The following OPRM1 variants were observed in gnomAD, a reference collection of about 807,000 sequenced individuals.
OPRM1 encodes mu-type opioid receptor.
OPRM1 carries 27 observed loss-of-function variants against 31.8 expected under a neutral mutation model. The observed-to-expected ratio is 0.85, with a 90% confidence interval of 0.63 to 1.17. The LOEUF is 1.17. Among genes scored for constraint, OPRM1 ranks in the 50% most tolerant of loss-of-function variants. The pLI is 0.00. For missense variants in OPRM1, 536 were observed against 511.1 expected (o/e 1.05, Z -0.47); for synonymous variants, 196 against 189.9 (o/e 1.03, Z -0.26).
intron 1 of OPRM1, among the ~76,000 whole-genome samples, chr6:154,082,253 C>T (rs1030930329): frequency 2.0e-5 from 3 of 152,024 alleles, no homozygotes; most frequent in African/African-American, 7.2e-5. Context: ...ATGCTGGTGC[C>T]CATCTTGTGC....
At position 154,095,205 on chromosome 6, in the gene OPRM1, C is replaced by T. The variant is rs182353008; in HGVS notation, c.1164+3733C>T. Among the ~76,000 whole-genome samples the T allele has an allele frequency of 5.2e-4, 79 of 152,252 alleles. 2 individuals are homozygous for T. The East Asian group carries it at 0.013, about 25-fold the overall frequency. On this transcript the variant is annotated intron_variant, in intron 3 of 3. Transcript: ENST00000330432. ...ATTTGGGAGGCTGAGACAGGAGAAT[C>T]GCTTGAACCTGGGAGGCAGAGGTTG...
intron 3 of OPRM1, among the ~76,000 whole-genome samples, chr6:154,154,040 G>T (rs1320459933): frequency 2.6e-5 from 4 of 152,204 alleles, no homozygotes; most frequent in African/African-American, 7.2e-5. Context: ...TAGGAGCCTA[G>T]AAATATTTGG....
At chr6:154,038,973 G>A (rs914644297), upstream of OPRM1, 30 of 595,366 alleles carry the variant, frequency 5.0e-5, no homozygotes, top group African/African-American at 5.3e-4. Flanking sequence ...ATTGGCAGTA[G>A]GGATGGAAGA....
chr6:154,167,179 C>T lies in OPRM1; in HGVS notation c.1164+75707C>T, dbSNP rs534056152. Among the ~76,000 whole-genome samples the T allele has an allele frequency of 5.3e-5, 8 of 152,336 alleles. No individual in the cohort carries two copies. The South Asian group carries it at 1.7e-3, about 32-fold the overall frequency. ...TATCAAAGCTTTTCAGATAAATCGTCTGCTAAATCAGGAGCATTTTACAAA... is the reference window on the plus strand; with the variant it reads ...TATCAAAGCTTTTCAGATAAATCGTTTGCTAAATCAGGAGCATTTTACAAA... On this transcript the variant is annotated intron_variant, in intron 3 of 3. Transcript: ENST00000337049.
chr6:154,090,841 T>C (rs1791956325), intron 2 of OPRM1, 111 bp from the exon 3 acceptor site: 1 of 905,230 alleles, frequency 1.1e-6, no homozygotes, highest in East Asian at 2.5e-5. Flanking sequence ...TTTATAGCCT[T>C]AAGTTAGCTC....
intron 3 of OPRM1, among the ~76,000 whole-genome samples, chr6:154,180,415 T>TATATATATATATATATATA (rs1491475267): frequency 4.4e-4 from 13 of 29,346 alleles, no homozygotes; most frequent in African/African-American, 1.6e-3. Flanking sequence ...TATATATATA[T>TATATATATATATATATATA]TTTTTTTTTA....
Position 154,105,815 on chromosome 6 carries a change from T to G in OPRM1, c.1165-12868T>G, listed in dbSNP as rs574632963. On this transcript the variant is annotated intron_variant, in intron 3 of 3. Coordinates refer to ENST00000330432, the MANE Select transcript of OPRM1 (RefSeq NM_000914.5). Reference sequence around the variant, plus strand: ...ATTTGATAACACTTCCTCTATGATTTTTATGCCAAATAAGTCAAATTTCAC... The same window carrying G: ...ATTTGATAACACTTCCTCTATGATTGTTATGCCAAATAAGTCAAATTTCAC... 1.7e-4 allele frequency among the ~76,000 whole-genome samples: 26 copies of G among 152,358 alleles called. 1 individual carries two copies. Among genetic ancestry groups the G allele is most frequent in the Admixed American group, 1.2e-3 (19 of 15,302 alleles).
chr6:154,138,352 C>T (rs537461613), intron 3 of OPRM1, among the ~76,000 whole-genome samples: 4 of 152,228 alleles, frequency 2.6e-5, no homozygotes, highest in East Asian at 3.9e-4. Context: ...TCAGTTGAAT[C>T]GCCTGATTGC....
rs116011340 is a variant in OPRM1 at position 154,242,313 on chromosome 6, T to C, written c.1165-4380T>C. Among the ~76,000 whole-genome samples the C allele has an allele frequency of 8.0e-3, 1,222 of 152,298 alleles. 7 individuals are homozygous for C. The highest frequency in any genetic ancestry group is 0.02 in the Middle Eastern group (6 of 294). On this transcript the variant is annotated intron_variant, in intron 3 of 3. Coordinates refer to the OPRM1 transcript ENST00000337049. ...CTTTTCCCATATCTGTTTTTAAGAA[T>C]AGAGGTGGAAATCCTTTCCTGGAAA...
intron 3 of OPRM1, among the ~76,000 whole-genome samples, chr6:154,243,791 C>T (rs969588670): frequency 6.6e-6 from 1 of 152,172 alleles, no homozygotes; most frequent in Non-Finnish European, 1.5e-5. Flanking sequence ...TTTCCATTTA[C>T]TCCCATGTGA....
At chr6:154,213,185 T>C (rs925218507) in intron 3 of OPRM1, 3 of 271,836 alleles carry the variant, frequency 1.1e-5, no homozygotes, top group East Asian at 1.6e-4. Context: ...ATTTTGATTG[T>C]AGGAATCCTA....
chr6:154,216,029 T>G (rs1778365166), intron 3 of OPRM1, among the ~76,000 whole-genome samples: 1 of 152,164 alleles, frequency 6.6e-6, no homozygotes, highest in South Asian at 2.1e-4. Context: ...GAATTAAACA[T>G]GAAAACTGAT....
intron 3 of OPRM1, among the ~76,000 whole-genome samples, chr6:154,227,791 C>A (rs1186045080): frequency 6.6e-6 from 1 of 152,064 alleles, no homozygotes; most frequent in Non-Finnish European, 1.5e-5. Context: ...GGGTGGATTC[C>A]TTTTCTGCAT....
chr6:154,149,691 A>G (rs1798449437), intron 3 of OPRM1, among the ~76,000 whole-genome samples: 1 of 152,002 alleles, frequency 6.6e-6, no homozygotes, highest in Admixed American at 6.6e-5. Flanking sequence ...TAGAAATGCC[A>G]CATTCTATTA....
At chr6:154,177,861 T>A (rs1169027675) in intron 3 of OPRM1, among the ~76,000 whole-genome samples, 1 of 152,186 alleles carries the variant, frequency 6.6e-6, no homozygotes, top group African/African-American at 2.4e-5. Context: ...GTGGCACTAT[T>A]CACAATAGCA....
chr6:154,077,513 T>C (rs2128462665), intron 1 of OPRM1, among the ~76,000 whole-genome samples: 1 of 151,674 alleles, frequency 6.6e-6, no homozygotes, highest in Non-Finnish European at 1.5e-5. Flanking sequence ...GGCGGATTGG[T>C]TGAGGTCAGG....
At chr6:154,072,349 A>G (rs541387311) in intron 1 of OPRM1, among the ~76,000 whole-genome samples, 1 of 152,364 alleles carries the variant, frequency 6.6e-6, no homozygotes, top group South Asian at 2.1e-4. Flanking sequence ...ACCAATAGAT[A>G]AAACAGATAC....
chr6:154,111,967 G>A (rs1202049917), intron 3 of OPRM1, among the ~76,000 whole-genome samples: 11 of 152,026 alleles, frequency 7.2e-5, no homozygotes, highest in Non-Finnish European at 1.3e-4. Flanking sequence ...GGGTTTCACT[G>A]TGTTAGCCAG....
At chr6:154,235,857 G>A (rs1213759567) in intron 3 of OPRM1, among the ~76,000 whole-genome samples, 1 of 152,190 alleles carries the variant, frequency 6.6e-6, no homozygotes, top group African/African-American at 2.4e-5. Context: ...GTACCTCACA[G>A]CCATTAGGAT....
Sources: gnomAD v4.1 joint callset for allele counts (sites outside exome capture counted in the v4.1 genomes callset) on GRCh38, gnomAD v4.1.1 for gene constraint, MANE v1.5 for transcripts, NCBI Gene and HGNC (gene_info 2026-07-23, HGNC 2026-07-21) for gene names.